Variants in HSDL1 observed in about 807,000 individuals in gnomAD.
The protein encoded by HSDL1 is hydroxysteroid dehydrogenase like 1.
HSDL1 carries 29 observed loss-of-function variants against 31.5 expected under a neutral mutation model. The ratio of observed to expected loss-of-function variants is 0.92; its 90% CI spans 0.69 to 1.26. The LOEUF is 1.26. Ranked by LOEUF, HSDL1 falls within the 50% of genes most tolerant of loss-of-function variation. The pLI is 0.00. For missense variants in HSDL1, 503 were observed against 416.6 expected, an observed-to-expected ratio of 1.21 and a Z score of -1.81; for synonymous variants, 222 against 155.2, an observed-to-expected ratio of 1.43 and a Z score of -3.20.
rs1291318336 is a variant in HSDL1 at position 84,131,434 on chromosome 16, T to C, written c.-6-107A>G. On this transcript the variant is annotated intron_variant, in intron 2 of 5. Coordinates refer to ENST00000219439, the MANE Select transcript of HSDL1 (RefSeq NM_031463.5). The stretch of plus-strand genomic sequence containing the variant: ...TGAGGGCATCAGATCTTGTCAATTG[T>C]ACGTTCAAATAACACTAACTTTTCA... 4.3e-5 allele frequency: 32 copies of C among 738,392 alleles called. No individual in the cohort carries two copies. In the South Asian group the frequency reaches 4.9e-4, roughly 11 times the overall value. The allele number at this position is 738,392 out of a possible 1,614,324, so 45.7% of individuals were successfully genotyped here.
rs138863275 is a variant in HSDL1, at chr16:84,140,069, T to C, written c.-68-4464A>G. 1.3e-3 allele frequency among the ~76,000 whole-genome samples: 202 copies of C among 152,168 alleles called. 2 individuals carry two copies. The highest frequency in any genetic ancestry group is 4.5e-3 in the African/African-American group (188 of 41,516). On this transcript the variant is annotated intron_variant, in intron 1 of 5. Transcript: ENST00000219439. ...GGGAGAAACTTCCCTTCCTGTCCCTTCCCTTCCCAGGCCGTGGCACTGCCC... is the reference window on the plus strand; with the variant it reads ...GGGAGAAACTTCCCTTCCTGTCCCTCCCCTTCCCAGGCCGTGGCACTGCCC...
chr16:84,132,050 AATC>A (rs1211052597), intron 2 of HSDL1, among the ~76,000 whole-genome samples: 5 of 152,238 alleles, frequency 3.3e-5, no homozygotes, highest in Non-Finnish European at 7.3e-5. Flanking sequence ...CAAGGAGACT[AATC>A]AACATAACTA....
Position 84,130,072 on chromosome 16 carries a change from C to G in HSDL1, c.580G>C (p.Glu194Gln), listed in dbSNP as rs2086647313. ...GTGACGATGGCACCTTTCTTTCTCT[C>G]CACCATTCCCGGTAACACAACATGG... ...MVHVVLPGMV[E>Q]RKKGAIVTIS... is the part of the protein sequence containing the mutation. The change falls in exon 4 of 6, where the codon GAG becomes CAG. Residue 194 changes from glutamate to glutamine, a missense_variant. Transcript: ENST00000219439. 6.2e-7 allele frequency: 1 copy of G among 1,614,160 alleles called. No homozygotes were observed.
intron 1 of HSDL1, among the ~76,000 whole-genome samples, chr16:84,144,590 C>A (rs909641161): frequency 1.3e-5 from 2 of 152,164 alleles, no homozygotes; most frequent in African/African-American, 4.8e-5. Flanking sequence ...AACACGGCAA[C>A]AACAACTCAA....
chr16:84,139,403 G>C (rs2086744244), intron 1 of HSDL1: 1 of 152,338 alleles, frequency 6.6e-6, no homozygotes, highest in Non-Finnish European at 1.5e-5. Flanking sequence ...TGTGCTGCTG[G>C]TTTCGATAAT....
At chr16:84,137,305 T>G (rs1187113011) in intron 1 of HSDL1, among the ~76,000 whole-genome samples, 1 of 152,202 alleles carries the variant, frequency 6.6e-6, no homozygotes. Flanking sequence ...TCTGGCCTAC[T>G]CGGGAAACAT....
At chr16:84,127,167 T>TTAAAG (rs2086616633) in intron 5 of HSDL1, among the ~76,000 whole-genome samples, 1 of 151,192 alleles carries the variant, frequency 6.6e-6, no homozygotes, top group Non-Finnish European at 1.5e-5. Context: ...TCTCAAGTAA[T>TTAAAG]TAAAGGACCT....
intron 5 of HSDL1, among the ~76,000 whole-genome samples, chr16:84,125,566 A>G (rs1180094822): frequency 1.3e-5 from 2 of 152,080 alleles, no homozygotes; most frequent in African/African-American, 2.4e-5. Flanking sequence ...CAATCACAAC[A>G]AATACCCACC....
chr16:84,134,654 C>T (rs1329781281), intron 2 of HSDL1, among the ~76,000 whole-genome samples: 5 of 151,992 alleles, frequency 3.3e-5, no homozygotes, highest in African/African-American at 1.2e-4. Flanking sequence ...AACCGAGATT[C>T]TATGTTAGAC....
intron 5 of HSDL1, chr16:84,124,982 CA>C (rs1358071546): frequency 1.2e-5 from 2 of 164,474 alleles, no homozygotes; most frequent in East Asian, 2.0e-4. Context: ...TCACAATACA[CA>C]CCAATCAAAC....
At chr16:84,124,922 C>CACCA (rs1172139704) in intron 5 of HSDL1, 194 bp from the exon 6 acceptor site, 6 of 419,592 alleles carry the variant, frequency 1.4e-5, no homozygotes, top group African/African-American at 1.4e-4. Flanking sequence ...AACAAATACC[C>CACCA]ACCAATCACA....
chr16:84,139,794 G>C (rs1409551469), intron 1 of HSDL1, among the ~76,000 whole-genome samples: 1 of 152,192 alleles, frequency 6.6e-6, no homozygotes, highest in African/African-American at 2.4e-5. Context: ...TGCCATCTTT[G>C]ACTGACCAGG....
At chr16:84,143,355 G>A (rs1053334780) in intron 1 of HSDL1, among the ~76,000 whole-genome samples, 71 of 152,276 alleles carry the variant, frequency 4.7e-4, no homozygotes, top group African/African-American at 1.7e-3. Flanking sequence ...AATACAAAAG[G>A]CCGTATGTTG....
intron 5 of HSDL1, among the ~76,000 whole-genome samples, chr16:84,128,008 C>T (rs1000122902): frequency 6.7e-6 from 1 of 150,200 alleles, no homozygotes; most frequent in Non-Finnish European, 1.5e-5. Context: ...CTTGAGCCAC[C>T]ACGCCCTGCC....
At chr16:84,141,922 A>T (rs2086772803) in intron 1 of HSDL1, among the ~76,000 whole-genome samples, 1 of 152,126 alleles carries the variant, frequency 6.6e-6, no homozygotes, top group Admixed American at 6.6e-5. Context: ...TCTTTCATGA[A>T]CTAAATGTGT....
intron 5 of HSDL1, among the ~76,000 whole-genome samples, chr16:84,128,794 G>A (rs993067827): frequency 2.6e-5 from 4 of 151,214 alleles, no homozygotes; most frequent in Non-Finnish European, 4.4e-5. Flanking sequence ...TGCAACCTCC[G>A]CCTCCAGGGT....
chr16:84,127,921 G>A (rs2086625250), intron 5 of HSDL1, among the ~76,000 whole-genome samples: 1 of 150,636 alleles, frequency 6.6e-6, no homozygotes, highest in Non-Finnish European at 1.5e-5. Context: ...GGGTTTCACG[G>A]TGTTAGCCAG....
chr16:84,134,137 G>A (rs926429233), intron 2 of HSDL1, among the ~76,000 whole-genome samples: 46 of 152,000 alleles, frequency 3.0e-4, no homozygotes, highest in African/African-American at 1.1e-3. Flanking sequence ...TGTAGCGAAC[G>A]AGCATACCTG....
chr16:84,125,899 C>G (rs1317702880), intron 5 of HSDL1, among the ~76,000 whole-genome samples: 2 of 152,106 alleles, frequency 1.3e-5, no homozygotes, highest in Non-Finnish European at 2.9e-5. Context: ...GTCAGGAGAT[C>G]GAGACCATCC....
Sources: gnomAD v4.1 joint callset for allele counts (sites outside exome capture counted in the v4.1 genomes callset) on GRCh38, gnomAD v4.1.1 for gene constraint, MANE v1.5 for transcripts, NCBI Gene and HGNC (gene_info 2026-07-23, HGNC 2026-07-21) for gene names.